The following PKHD1 variants were observed in gnomAD, a reference collection of about 807,000 sequenced individuals.
PKHD1 encodes the protein PKHD1 ciliary IPT domain containing fibrocystin/polyductin.
Under a neutral mutation model 412.0 loss-of-function variants are expected in PKHD1, and 291 were observed. The ratio of observed to expected loss-of-function variants is 0.71; its 90% CI spans 0.64 to 0.78. The LOEUF (loss-of-function observed/expected upper bound fraction) is 0.78. Among genes scored for constraint, PKHD1 ranks in the 30% least tolerant of loss-of-function variants. The pLI, the probability that PKHD1 is intolerant of heterozygous loss-of-function variation, is 0.00. For missense variants in PKHD1, 4,825 were observed against 4,950.7 expected (o/e 0.97, Z 0.76); for synonymous variants, 1,777 against 1,821.5 (o/e 0.98, Z 0.62).
chr6:51,915,720 C>T (rs1783680718), intron 37 of PKHD1, among the ~76,000 whole-genome samples: 1 of 151,908 alleles, frequency 6.6e-6, no homozygotes, highest in South Asian at 2.1e-4. Flanking sequence ...TGGCAGGTAC[C>T]AGCAGTAGAT....
chr6:51,625,746 G>A (rs1267315711), intron 66 of PKHD1, among the ~76,000 whole-genome samples: 1 of 152,130 alleles, frequency 6.6e-6, no homozygotes, highest in Non-Finnish European at 1.5e-5. Flanking sequence ...GATTAGTACT[G>A]CTCCTGCCAC....
intron 56 of PKHD1, among the ~76,000 whole-genome samples, chr6:51,754,451 A>C (rs928521332): frequency 2.6e-5 from 4 of 152,204 alleles, no homozygotes; most frequent in Admixed American, 2.0e-4. Context: ...CTCAGTGCCC[A>C]TAAGTTTTAT....
intron 53 of PKHD1, among the ~76,000 whole-genome samples, chr6:51,780,310 C>T (rs4543373): frequency 6.6e-6 from 1 of 151,388 alleles, no homozygotes; most frequent in East Asian, 1.9e-4. Context: ...AGCTTGAATC[C>T]CAGTTGCGGA....
intron 35 of PKHD1, among the ~76,000 whole-genome samples, chr6:51,960,607 G>T (rs1011112958): frequency 1.3e-5 from 2 of 152,054 alleles, no homozygotes; most frequent in African/African-American, 2.4e-5. Flanking sequence ...CCTCCCACTC[G>T]GCCTTTTTTG....
Position 51,748,307 on chromosome 6 carries a change from GC to G in PKHD1, c.9308del (p.Gly3103AlafsTer59). On this transcript the variant is annotated frameshift_variant, in exon 58 of 67. Coordinates refer to ENST00000371117, the MANE Select transcript of PKHD1 (RefSeq NM_138694.4). LOFTEE classifies it high-confidence loss of function. ...AGCACTTGTGGCCTCGGATGTGAAA[GC>G]CAAGTCTCTCTGATCCTGCCACAAC... ...GNVVAGSERL[G>X]FHIRGHKCSS... 1 of 1,614,052 alleles carries G rather than the reference GC, an allele frequency of 6.2e-7. No homozygotes were observed. Among genetic ancestry groups the G allele is most frequent in the Non-Finnish European group, 8.5e-7 (1 of 1,179,962 alleles).
At chr6:52,074,573 T>C (rs897199572) in intron 6 of PKHD1, among the ~76,000 whole-genome samples, 6 of 152,196 alleles carry the variant, frequency 3.9e-5, no homozygotes, top group African/African-American at 1.4e-4. Flanking sequence ...AACAAAAGAC[T>C]GTAGAAATTA....
chr6:51,725,841 C>T (rs1021810661), intron 60 of PKHD1, among the ~76,000 whole-genome samples: 2 of 152,218 alleles, frequency 1.3e-5, no homozygotes, highest in African/African-American at 2.4e-5. Flanking sequence ...TAAACAATTA[C>T]AGTCTTCACC....
At chr6:51,990,872 C>T (rs565660823) in intron 35 of PKHD1, among the ~76,000 whole-genome samples, 2 of 152,298 alleles carry the variant, frequency 1.3e-5, no homozygotes, top group Admixed American at 6.5e-5. Context: ...TTATTAGCCA[C>T]AGGGCCTAGG....
At chr6:51,807,435 CTCAAAAAA>C (rs1562355648) in intron 52 of PKHD1, among the ~76,000 whole-genome samples, 1 of 46,042 alleles carries the variant, frequency 2.2e-5, no homozygotes, top group South Asian at 9.8e-4. Context: ...GAGACTCTGT[CTCAAAAAA>C]AAAAAAAAAA....
At chr6:51,992,749 T>C (rs1236360341) in intron 35 of PKHD1, among the ~76,000 whole-genome samples, 1 of 152,218 alleles carries the variant, frequency 6.6e-6, no homozygotes. Flanking sequence ...CCAGGAGCAG[T>C]GCATTGTTAA....
chr6:51,901,659 T>C (rs1239450775), intron 43 of PKHD1, among the ~76,000 whole-genome samples: 1 of 145,348 alleles, frequency 6.9e-6, no homozygotes, highest in Non-Finnish European at 1.5e-5. Flanking sequence ...ACCCTAAAAC[T>C]TAAAGTATAA....
chr6:51,871,526 AG>A (rs1169158990), intron 46 of PKHD1, among the ~76,000 whole-genome samples: 3 of 118,036 alleles, frequency 2.5e-5, no homozygotes, highest in Admixed American at 2.4e-4. Context: ...AAGCAAGAGG[AG>A]GCTGTGGCTA....
intron 65 of PKHD1, among the ~76,000 whole-genome samples, chr6:51,627,488 T>C (rs2225241): frequency 0.043 from 6,512 of 151,948 alleles, 237 homozygotes; most frequent in African/African-American, 0.093. Flanking sequence ...ATATATTATG[T>C]TAAATGGCTA....
At chr6:51,939,992 G>A (rs1417481827) in intron 36 of PKHD1, among the ~76,000 whole-genome samples, 4 of 151,510 alleles carry the variant, frequency 2.6e-5, no homozygotes, top group African/African-American at 9.7e-5. Flanking sequence ...GGTGGCTGGA[G>A]CTAAAGGCAT....
rs567752615 is a variant in PKHD1 at position 51,959,762 on chromosome 6, A to T, written c.5908+108T>A. 123 of 1,033,782 alleles carry T rather than the reference A, an allele frequency of 1.2e-4. No homozygotes were observed. In the African/African-American group the frequency reaches 1.7e-3, roughly 14 times the overall value. 64.0% of individuals were successfully genotyped at this position (1,033,782 alleles called of 1,614,324 possible). A position where few individuals can be genotyped will look rare whatever the true frequency, so the allele number is the denominator to read the frequency against. ...AAATTTCAGTTTGGTCTGAGGATAA[A>T]TTGTCAACTAAGTTCTGGAACTTAT... On this transcript the variant is annotated intron_variant, in intron 36 of 66. Coordinates refer to ENST00000371117, the MANE Select transcript of PKHD1 (RefSeq NM_138694.4).
At position 52,033,144 on chromosome 6, in the gene PKHD1, T is replaced by C; in HGVS notation, c.3250A>G (p.Asn1084Asp). The change falls in exon 29 of 67, where the codon AAT becomes GAT. Residue 1084 changes from asparagine to aspartate, a missense_variant. Coordinates refer to ENST00000371117, the MANE Select transcript of PKHD1 (RefSeq NM_138694.4). ...TAGTCCCCTCTGATCACAGTCACATTCACAATGCGTCCATCTTTCCCCTGA... is the reference window on the plus strand; with the variant it reads ...TAGTCCCCTCTGATCACAGTCACATCCACAATGCGTCCATCTTTCCCCTGA... Reference protein sequence around the residue: ...PPRGKDGRIVNVTVIRGDYSA... With the variant: ...PPRGKDGRIVDVTVIRGDYSA... 1 of 1,612,856 alleles carries C rather than the reference T, an allele frequency of 6.2e-7. No individual in the cohort carries two copies. The highest frequency in any genetic ancestry group is 8.5e-7 in the Non-Finnish European group (1 of 1,178,906).
chr6:52,009,548 GCA>G (rs1799540269), intron 35 of PKHD1, among the ~76,000 whole-genome samples: 1 of 152,076 alleles, frequency 6.6e-6, no homozygotes. Flanking sequence ...AAAGAGAAAG[GCA>G]CCTAAGGGAG....
At chr6:51,719,277 C>T (rs868549979) in intron 60 of PKHD1, among the ~76,000 whole-genome samples, 27 of 152,016 alleles carry the variant, frequency 1.8e-4, no homozygotes, top group African/African-American at 6.0e-4. Flanking sequence ...GGCACAATCA[C>T]GGCTCACTGC....
chr6:51,857,271 T>C (rs775709814), intron 48 of PKHD1, among the ~76,000 whole-genome samples: 1 of 152,164 alleles, frequency 6.6e-6, no homozygotes, highest in Non-Finnish European at 1.5e-5. Context: ...TTAGTTTTCA[T>C]GAGAATCTTT....
Sources: gnomAD v4.1 joint callset for allele counts (sites outside exome capture counted in the v4.1 genomes callset) on GRCh38, gnomAD v4.1.1 for gene constraint, MANE v1.5 for transcripts, NCBI Gene and HGNC (gene_info 2026-07-23, HGNC 2026-07-21) for gene names.